ARHGEF11: variants seen among roughly 807,000 people sequenced by gnomAD.
The protein encoded by ARHGEF11 is Rho guanine nucleotide exchange factor 11.
In ARHGEF11, 55 loss-of-function variants were observed where a neutral mutation model predicts 193.7. The observed-to-expected ratio is 0.28, with a 90% CI of 0.23 to 0.36. The LOEUF (loss-of-function observed/expected upper bound fraction) is 0.36, where lower values mean the gene tolerates loss of function less well. Ranked by LOEUF, ARHGEF11 falls within the 10% of genes least tolerant of loss-of-function variation. ARHGEF11 has a pLI of 1.00. For synonymous variants in ARHGEF11, 693 were observed against 768.0 expected (o/e 0.90, Z 1.62); for missense variants, 1,723 against 2,005.6 (o/e 0.86, Z 2.69).
At position 156,941,369 on chromosome 1, in the gene ARHGEF11, T is replaced by A; in HGVS notation, c.3514+3A>T. ...CTCCCACAGGACAGTTCAGGGCCCT[T>A]ACCTCCAGGCAGCTCCTCAGGTTCA... On this transcript the variant is annotated splice_donor_region_variant and intron_variant, in intron 35 of 40. Coordinates refer to ENST00000368194, the MANE Select transcript of ARHGEF11 (RefSeq NM_198236.3). 6.2e-7 allele frequency: 1 copy of A among 1,613,822 alleles called. No individual in the cohort carries two copies. The highest frequency in any genetic ancestry group is 2.2e-5 in the East Asian group (1 of 44,864).
At chr1:156,952,772 G>GT (rs1254990217) in intron 21 of ARHGEF11, among the ~76,000 whole-genome samples, 2 of 152,272 alleles carry the variant, frequency 1.3e-5, no homozygotes, top group African/African-American at 4.8e-5. Context: ...GTAAGTAGCT[G>GT]TGGGTGCACA....
chr1:156,942,593 G>A lies in ARHGEF11; in HGVS notation c.3326+97C>T, dbSNP rs1657251687. 4 of 1,110,238 alleles carry A rather than the reference G, an allele frequency of 3.6e-6. No individual in the cohort carries two copies. The Admixed American group carries it at 7.6e-5, about 21-fold the overall frequency. The allele number at this position is 1,110,238 out of a possible 1,614,324, so 68.8% of individuals were successfully genotyped here. ...CAACCCCTTGTCCAGGGACTGCTTT[G>A]GGGCCCAAACCTGGCCTTGCTACCC... On this transcript the variant is annotated intron_variant, in intron 33 of 40. Coordinates refer to ENST00000368194, the MANE Select transcript of ARHGEF11 (RefSeq NM_198236.3).
At chr1:156,989,511 T>C (rs1665413846) in intron 1 of ARHGEF11, among the ~76,000 whole-genome samples, 1 of 152,226 alleles carries the variant, frequency 6.6e-6, no homozygotes, top group Non-Finnish European at 1.5e-5. Context: ...TAACTTGGTA[T>C]TAAAGGACTT....
intron 35 of ARHGEF11, among the ~76,000 whole-genome samples, chr1:156,940,690 G>A (rs181072968): frequency 3.2e-4 from 49 of 152,304 alleles, no homozygotes; most frequent in African/African-American, 1.1e-3. Context: ...TAGTTTGTTA[G>A]AAGGCAGTAA....
intron 1 of ARHGEF11, among the ~76,000 whole-genome samples, chr1:157,014,068 A>C (rs532141256): frequency 1.3e-5 from 2 of 152,226 alleles, no homozygotes; most frequent in Non-Finnish European, 2.9e-5. Context: ...AGCCTTGCTG[A>C]GGCCTTTGGT....
chr1:157,045,894 G>A (rs1319228438), upstream of ARHGEF11, among the ~76,000 whole-genome samples: 1 of 150,910 alleles, frequency 6.6e-6, no homozygotes, highest in Non-Finnish European at 1.5e-5. Context: ...CGGGGCCGCA[G>A]GCTCCTCCTC....
intron 40 of ARHGEF11, among the ~76,000 whole-genome samples, chr1:156,936,497 A>ATATAT (rs1553192805): frequency 0.039 from 1,329 of 33,678 alleles, 34 homozygotes; most frequent in East Asian, 0.054. Flanking sequence ...AAAAAAAAAA[A>ATATAT]ATATATATAT....
intron 1 of ARHGEF11, among the ~76,000 whole-genome samples, chr1:157,034,621 G>A (rs558230671): frequency 1.0e-3 from 158 of 152,284 alleles, no homozygotes; most frequent in African/African-American, 1.2e-3. Context: ...AGCTGTGTTC[G>A]AGTCAGGAAA....
intron 14 of ARHGEF11, 80 bp from the exon 15 acceptor site, chr1:156,960,540 C>T: frequency 7.2e-7 from 1 of 1,395,576 alleles, no homozygotes; most frequent in Non-Finnish European, 1.0e-6. Flanking sequence ...GCGAGGAGGG[C>T]TTGGCCACAT....
At chr1:157,039,828 G>A (rs1239089751) in intron 1 of ARHGEF11, among the ~76,000 whole-genome samples, 2 of 152,110 alleles carry the variant, frequency 1.3e-5, no homozygotes, top group African/African-American at 2.4e-5. Flanking sequence ...AGTTAACAAA[G>A]CCTTTTCACA....
Position 156,937,312 on chromosome 1 carries a change from G to C in ARHGEF11, c.4377C>G (p.Leu1459=), listed in dbSNP as rs1475014683. The C allele has an allele frequency of 1.9e-6, 3 of 1,613,882 alleles. No individual in the cohort carries two copies. Among genetic ancestry groups the C allele is most frequent in the African/African-American group, 2.7e-5 (2 of 74,880 alleles). ...RPSRSPPSLA[L]RDVGMIFHTI... ...TATGGAAGATCATGCCCACGTCCCTGAGGGCCAGGCTTGGAGGAGAGCGGC... is the reference window on the plus strand; with the variant it reads ...TATGGAAGATCATGCCCACGTCCCTCAGGGCCAGGCTTGGAGGAGAGCGGC... The change falls in exon 39 of 41, where the codon CTC becomes CTG. Residue 1459 remains leucine, a synonymous_variant. Coordinates refer to ENST00000368194, the MANE Select transcript of ARHGEF11 (RefSeq NM_198236.3).
chr1:156,961,882 T>TAAAA, intron 13 of ARHGEF11, 107 bp from the exon 14 acceptor site: 1 of 939,426 alleles, frequency 1.1e-6, no homozygotes. Context: ...TTGTTACAAC[T>TAAAA]ACTGGGCAAG....
chr1:156,984,496 G>T, intron 2 of ARHGEF11, 59 bp from the exon 3 acceptor site: 1 of 1,314,636 alleles, frequency 7.6e-7, no homozygotes, highest in Non-Finnish European at 1.1e-6. Context: ...GTGTACACAT[G>T]CCAAGACCAA....
At chr1:156,962,090 C>T (rs559073589) in intron 13 of ARHGEF11, among the ~76,000 whole-genome samples, 6 of 152,334 alleles carry the variant, frequency 3.9e-5, no homozygotes, top group African/African-American at 1.4e-4. Flanking sequence ...CTGATCACTC[C>T]TCAACTCTGT....
chr1:157,005,010 C>CGAGG (rs2102715140), intron 1 of ARHGEF11, among the ~76,000 whole-genome samples: 1 of 152,374 alleles, frequency 6.6e-6, no homozygotes, highest in Admixed American at 6.5e-5. Context: ...ATCTACCCCT[C>CGAGG]TCACAGCTCC....
At chr1:156,938,373 A>G (rs1351411866) in intron 38 of ARHGEF11, 45 bp downstream of exon 38, 3 of 1,571,886 alleles carry the variant, frequency 1.9e-6, no homozygotes. Context: ...CAGGTTCCAC[A>G]CTCCAGTCTT....
intron 37 of ARHGEF11, 101 bp from the exon 38 acceptor site, chr1:156,938,614 G>C: frequency 9.1e-7 from 1 of 1,095,950 alleles, no homozygotes; most frequent in Non-Finnish European, 1.3e-6. Context: ...GTGGGGACAG[G>C]GGGAGGAGAA....
chr1:157,037,817 G>A, intron 1 of ARHGEF11, among the ~76,000 whole-genome samples: 1 of 151,900 alleles, frequency 6.6e-6, no homozygotes, highest in East Asian at 1.9e-4. Flanking sequence ...GTTTACTTGA[G>A]GTCAGGAGTT....
intron 1 of ARHGEF11, among the ~76,000 whole-genome samples, chr1:157,018,262 T>G (rs1267969403): frequency 1.3e-5 from 2 of 152,186 alleles, no homozygotes; most frequent in Non-Finnish European, 2.9e-5. Flanking sequence ...CTCTCTGAAC[T>G]GATCTATGGT....
Sources: gnomAD v4.1 joint callset for allele counts (sites outside exome capture counted in the v4.1 genomes callset) on GRCh38, gnomAD v4.1.1 for gene constraint, MANE v1.5 for transcripts, NCBI Gene and HGNC (gene_info 2026-07-23, HGNC 2026-07-21) for gene names.